Variants in TMOD1 observed in about 807,000 individuals in gnomAD.
The protein encoded by TMOD1 is tropomodulin 1, also known as tropomodulin-1.
TMOD1 carries 17 observed loss-of-function variants against 40.6 expected under a neutral mutation model. The observed-to-expected ratio is 0.42, with a 90% CI of 0.29 to 0.63. The LOEUF is 0.63. Ranked by LOEUF, TMOD1 falls within the 20% of genes least tolerant of loss-of-function variation. The probability of loss-of-function intolerance (pLI) is 0.22; values close to 1 mark genes in which losing one functional copy is unlikely to be tolerated. For missense variants in TMOD1, 391 were observed against 447.6 expected (o/e 0.87, Z 1.14); for synonymous variants, 181 against 175.0 (o/e 1.03, Z -0.27).
chr9:97,599,529 T>A, intron 9 of TMOD1, 105 bp from the exon 10 acceptor site: 1 of 1,446,136 alleles, frequency 6.9e-7, no homozygotes. Flanking sequence ...CAGACTCTGT[T>A]AACAAACCAA....
Position 97,513,162 on chromosome 9 carries a change from T to C in TMOD1, c.-48-10979T>C, listed in dbSNP as rs1223534267. On this transcript the variant is annotated intron_variant, in intron 1 of 9. Coordinates refer to ENST00000259365, the MANE Select transcript of TMOD1 (RefSeq NM_003275.4). This position sits in a 1 kb window ranked among gnomAD's most constrained non-coding sequence, Gnocchi z 4.1. ...GTCACCGGAGAGCCCCACATCTTTC[T>C]CATGGCTGCTCAGCCACGTCCACTC... 6.6e-6 allele frequency: 1 copy of C among 152,262 alleles called. No individual in the cohort carries two copies. The highest frequency in any genetic ancestry group is 1.9e-4 in the East Asian group (1 of 5,206). The allele number at this position is 152,262 out of a possible 1,614,324, so 9.4% of individuals were successfully genotyped here.
intron 1 of TMOD1, among the ~76,000 whole-genome samples, chr9:97,514,311 T>G: frequency 6.7e-6 from 1 of 149,738 alleles, no homozygotes; most frequent in Non-Finnish European, 1.5e-5. Context: ...AATGACAGGG[T>G]TTCACCATGT....
At chr9:97,563,788 G>T (rs1462827014) in intron 5 of TMOD1, among the ~76,000 whole-genome samples, 2 of 152,180 alleles carry the variant, frequency 1.3e-5, no homozygotes, top group African/African-American at 4.8e-5. Context: ...TAGACCCAAG[G>T]TTCAGAGAGT....
At chr9:97,542,585 G>A (rs1274670999) in intron 2 of TMOD1, among the ~76,000 whole-genome samples, 2 of 152,144 alleles carry the variant, frequency 1.3e-5, no homozygotes, top group Non-Finnish European at 2.9e-5. Context: ...GGGCATGGAG[G>A]CTAATGCCTA....
intron 8 of TMOD1, among the ~76,000 whole-genome samples, chr9:97,577,398 T>C (rs1825636659): frequency 1.3e-5 from 2 of 152,250 alleles, no homozygotes; most frequent in African/African-American, 4.8e-5. Context: ...TAGAGCTCGC[T>C]GCCTGTATTC....
intron 8 of TMOD1, among the ~76,000 whole-genome samples, chr9:97,586,599 CCAGCCTCGCTG>C (rs1409502263): frequency 6.6e-6 from 1 of 152,070 alleles, no homozygotes; most frequent in Non-Finnish European, 1.5e-5. Flanking sequence ...CGCCCCTCCC[CCAGCCTCGCTG>C]CCGCCTTGCA....
chr9:97,577,900 A>G (rs936481653), intron 8 of TMOD1, among the ~76,000 whole-genome samples: 1 of 152,264 alleles, frequency 6.6e-6, no homozygotes, highest in Non-Finnish European at 1.5e-5. Context: ...ATTGTTTAGC[A>G]TGCAGTAATC....
intron 8 of TMOD1, among the ~76,000 whole-genome samples, chr9:97,575,075 A>T (rs1418415105): frequency 6.6e-6 from 1 of 152,198 alleles, no homozygotes. Flanking sequence ...CACTGTGGAA[A>T]CTTTGTTCTT....
At position 97,528,240 on chromosome 9, in the gene TMOD1, C is replaced by T. The variant is rs1484919993; in HGVS notation, c.120+3932C>T. 2.6e-5 allele frequency among the ~76,000 whole-genome samples: 4 copies of T among 152,146 alleles called. No homozygotes were observed. The South Asian group carries it at 8.3e-4, about 32-fold the overall frequency. On this transcript the variant is annotated intron_variant, in intron 2 of 9. Coordinates refer to ENST00000259365, the MANE Select transcript of TMOD1 (RefSeq NM_003275.4). Reference sequence around the variant, plus strand: ...ACCTGGGGCTCAACTTGCTGACGGTCGCAGGACCCAGGCAGGCACGGAGAC... The same window carrying T: ...ACCTGGGGCTCAACTTGCTGACGGTTGCAGGACCCAGGCAGGCACGGAGAC...
Position 97,571,112 on chromosome 9 carries a change from TGGCCCTGGGCCA to T in TMOD1, c.870+2085_870+2096del, listed in dbSNP as rs1181811527. Among the ~76,000 whole-genome samples the T allele has an allele frequency of 2.0e-5, 3 of 152,306 alleles. No homozygotes were observed. The South Asian group carries it at 6.2e-4, about 32-fold the overall frequency. On this transcript the variant is annotated intron_variant, in intron 8 of 9. Coordinates refer to ENST00000259365, the MANE Select transcript of TMOD1 (RefSeq NM_003275.4). ...CAAAGGCATGCAGCAGGCTTGGCAG[TGGCCCTGGGCCA>T]GGCCCTGGGATTGGCTACTCATGTG...
chr9:97,564,542 CGG>C (rs1563992287), intron 6 of TMOD1, among the ~76,000 whole-genome samples: 2 of 151,666 alleles, frequency 1.3e-5, no homozygotes, highest in Non-Finnish European at 2.9e-5. Flanking sequence ...TGGAAAAGTC[CGG>C]TGCCCACTAG....
At chr9:97,529,187 A>T (rs1435687760) in intron 2 of TMOD1, among the ~76,000 whole-genome samples, 5 of 152,202 alleles carry the variant, frequency 3.3e-5, no homozygotes, top group African/African-American at 1.2e-4. Context: ...GTAGGAAAAT[A>T]ATCCCTCTTT....
At chr9:97,512,100 T>C (rs968500810) in intron 1 of TMOD1, among the ~76,000 whole-genome samples, 1 of 152,336 alleles carries the variant, frequency 6.6e-6, no homozygotes, top group Middle Eastern at 3.4e-3. Flanking sequence ...GTTTACCTTC[T>C]CTGGACTCAG....
chr9:97,537,417 C>T (rs1428770260), intron 2 of TMOD1, among the ~76,000 whole-genome samples: 3 of 152,236 alleles, frequency 2.0e-5, no homozygotes, highest in Non-Finnish European at 4.4e-5. Flanking sequence ...TGGCTTCTCA[C>T]GTAGCCCTAT....
chr9:97,575,705 C>G (rs1830924776), intron 8 of TMOD1, among the ~76,000 whole-genome samples: 1 of 152,148 alleles, frequency 6.6e-6, no homozygotes, highest in African/African-American at 2.4e-5. Flanking sequence ...TCTTGATGTT[C>G]CTGTTGCGTC....
At chr9:97,507,464 T>G (rs897913889) in intron 1 of TMOD1, among the ~76,000 whole-genome samples, 1 of 152,188 alleles carries the variant, frequency 6.6e-6, no homozygotes, top group Non-Finnish European at 1.5e-5. Flanking sequence ...CCAATGCAAC[T>G]AGTAAGAACA....
Position 97,586,055 on chromosome 9 carries a change from C to T in TMOD1, c.871-5236C>T, listed in dbSNP as rs367977175. Among the ~76,000 whole-genome samples the T allele has an allele frequency of 5.9e-4, 89 of 152,010 alleles. No individual in the cohort carries two copies. The East Asian group carries it at 0.011, about 19-fold the overall frequency. ...TTGTTCCGTTGCTGGTGAGGAACTG[C>T]GTTCCTTTGGAGGAGGAGAGGTGCT... On this transcript the variant is annotated intron_variant, in intron 8 of 9. Coordinates refer to ENST00000259365, the MANE Select transcript of TMOD1 (RefSeq NM_003275.4).
At chr9:97,539,971 CAAAAA>C (rs34844299) in intron 2 of TMOD1, among the ~76,000 whole-genome samples, 19 of 71,970 alleles carry the variant, frequency 2.6e-4, no homozygotes, top group African/African-American at 9.8e-4. Context: ...GACTCTGTCT[CAAAAA>C]AAAAAAAAAA....
At chr9:97,575,072 G>A (rs1830906294) in intron 8 of TMOD1, among the ~76,000 whole-genome samples, 1 of 152,214 alleles carries the variant, frequency 6.6e-6, no homozygotes, top group Admixed American at 6.5e-5. Context: ...CCGCACTGTG[G>A]AAACTTTGTT....
Sources: allele counts gnomAD v4.1 joint callset (sites outside exome capture counted in the v4.1 genomes callset), GRCh38; gene constraint gnomAD v4.1.1; non-coding constraint Gnocchi (gnomAD v3.1); transcripts MANE v1.5; gene names NCBI Gene and HGNC (gene_info 2026-07-23, HGNC 2026-07-21).